EPG5: variants seen among roughly 807,000 people sequenced by gnomAD.
The protein encoded by EPG5 is ectopic P-granules 5 autophagy tethering factor, also known as ectopic P granules protein 5 homolog.
EPG5 carries 159 observed loss-of-function variants against 302.7 expected under a neutral mutation model. That is an observed-to-expected ratio of 0.53 (90% CI 0.46 to 0.60). The LOEUF (loss-of-function observed/expected upper bound fraction) is 0.60, where lower values mean the gene tolerates loss of function less well. EPG5 is among the 20% of genes least tolerant of loss of function. The pLI is 0.00. For missense variants in EPG5, 2,896 were observed against 3,092.4 expected, an observed-to-expected ratio of 0.94 and a Z score of 1.51; for synonymous variants, 1,158 against 1,136.8, an observed-to-expected ratio of 1.02 and a Z score of -0.37.
Position 45,852,471 on chromosome 18 carries a change from C to G in EPG5, c.7736G>C (p.Arg2579Pro), listed in dbSNP as rs763628666. Residue 2579 changes from arginine to proline, a missense_variant, in exon 44 of 44, where the codon CGA becomes CCA. Around this residue, in one of 5 missense-constraint regions of EPG5, gnomAD observed 620 missense variants for 704.2 expected, o/e 0.88. Coordinates refer to ENST00000282041, the MANE Select transcript of EPG5 (RefSeq NM_020964.3). The part of the protein sequence containing the change: ...YPEVHYLDHI[R>P] ...TTTCAAGAGCCTCAGTGTTAACTAT[C>G]GTATGTGGTCCAAATAATGCACTTC... is the stretch of plus-strand genomic sequence containing the variant. 1.4e-5 allele frequency: 23 copies of G among 1,613,188 alleles called. No homozygotes were observed. The highest frequency in any genetic ancestry group is 1.7e-5 in the Non-Finnish European group (20 of 1,179,636).
intron 42 of EPG5, 137 bp downstream of exon 42, chr18:45,857,716 T>G (rs1456040590): frequency 8.3e-6 from 5 of 602,686 alleles, no homozygotes; most frequent in Non-Finnish European, 8.5e-6. Flanking sequence ...TTTTTTTTCT[T>G]TTTTTTTTTC....
At chr18:45,844,735 T>C (rs946263716), downstream of EPG5, among the ~76,000 whole-genome samples, 2 of 152,150 alleles carry the variant, frequency 1.3e-5, no homozygotes, top group African/African-American at 4.8e-5. Flanking sequence ...CAGGAGCCTG[T>C]CTGAGCTGTT....
intron 38 of EPG5, among the ~76,000 whole-genome samples, chr18:45,865,990 C>T (rs1261246812): frequency 1.3e-5 from 2 of 152,286 alleles, no homozygotes; most frequent in Admixed American, 6.5e-5. Context: ...TGGCAGAATA[C>T]TCTTCCTTTT....
At chr18:45,875,600 A>T (rs1568111813) in intron 35 of EPG5, among the ~76,000 whole-genome samples, 1 of 152,162 alleles carries the variant, frequency 6.6e-6, no homozygotes, top group Non-Finnish European at 1.5e-5. Flanking sequence ...AATTACCCAT[A>T]ATAAAGCAAA....
intron 23 of EPG5, among the ~76,000 whole-genome samples, chr18:45,909,734 T>A (rs1382464568): frequency 2.0e-5 from 3 of 152,200 alleles, no homozygotes; most frequent in Non-Finnish European, 4.4e-5. Flanking sequence ...GGTGGATCCC[T>A]GAATCCCGTG....
chr18:45,826,176 G>A, the EPG5 span, among the ~76,000 whole-genome samples: 1 of 152,124 alleles, frequency 6.6e-6, no homozygotes, highest in Non-Finnish European at 1.5e-5. Flanking sequence ...GAAGAAGGGC[G>A]GGGAGTGCAT....
In EPG5 at chr18:45,957,180, A is replaced by G. The variant is rs1451613379; in HGVS notation, c.64-1842T>C. On this transcript the variant is annotated intron_variant, in intron 1 of 43. Transcript: ENST00000282041. ...ATAGCCAAAAAAGTAGGGCCTTTAT[A>G]TATTAAAAAGAAAAAAAAGATGAAT... 2.6e-5 allele frequency among the ~76,000 whole-genome samples: 4 copies of G among 152,124 alleles called. No individual in the cohort carries two copies. In the South Asian group the frequency reaches 8.3e-4, roughly 32 times the overall value.
chr18:45,900,867 C>T, intron 26 of EPG5, 129 bp downstream of exon 26: 1 of 897,710 alleles, frequency 1.1e-6, no homozygotes, highest in Non-Finnish European at 1.7e-6. Context: ...AGTGAACCGT[C>T]TGGGCCAGGT....
intron 36 of EPG5, chr18:45,867,951 G>T: frequency 1.5e-6 from 1 of 666,948 alleles, no homozygotes; most frequent in Non-Finnish European, 2.7e-6. Flanking sequence ...ATTTTAGTTT[G>T]TCTGTTCAGA....
rs553451268 is a variant in EPG5, at chr18:45,953,614, C to T, written c.1008+780G>A. Reference sequence around the variant, plus strand: ...TGAAATGGCTTATGATCACTTTGGCCTCCATAGGGTTGCATCTAATGGTCT... The same window carrying T: ...TGAAATGGCTTATGATCACTTTGGCTTCCATAGGGTTGCATCTAATGGTCT... On this transcript the variant is annotated intron_variant, in intron 2 of 43. Coordinates refer to ENST00000282041, the MANE Select transcript of EPG5 (RefSeq NM_020964.3). 3.0e-6 allele frequency: 3 copies of T among 985,290 alleles called. No individual in the cohort carries two copies. The South Asian group carries it at 1.4e-4, about 46-fold the overall frequency. 61.0% of individuals were successfully genotyped at this position (985,290 alleles called of 1,614,324 possible).
At chr18:45,811,343 G>A in the EPG5 span, among the ~76,000 whole-genome samples, 1 of 152,150 alleles carries the variant, frequency 6.6e-6, no homozygotes, top group African/African-American at 2.4e-5. Flanking sequence ...ACAAGGAGGA[G>A]GTGGTACCAT....
rs1365692737 is a variant in EPG5, at chr18:45,884,753, T to G, written c.5168A>C (p.Asn1723Thr). 1.9e-6 allele frequency: 3 copies of G among 1,597,888 alleles called. No individual in the cohort carries two copies. The South Asian group carries it at 3.4e-5, about 18-fold the overall frequency. Residue 1723 changes from asparagine (N) to threonine (T), a missense_variant, in exon 30 of 44, where the codon AAC becomes ACC. Around this residue, in one of 5 missense-constraint regions of EPG5, gnomAD observed 790 missense variants for 798.0 expected, o/e 0.99. Coordinates refer to ENST00000282041, the MANE Select transcript of EPG5 (RefSeq NM_020964.3). ...CRKVLETILK[N>T]SRLCSLLSPF... is the part of the protein sequence containing the mutation. The stretch of plus-strand genomic sequence containing the variant: ...AGACAGCAGGGAGCAGAGCCTGCTG[T>G]TCTTCAGAATGGTTTCAAGTACTTT...
At position 45,848,093 on chromosome 18, in the gene EPG5, T is replaced by C. The variant is rs894401209; in HGVS notation, c.*4374A>G. On this transcript the variant is annotated 3_prime_UTR_variant, in exon 44 of 44. Transcript: ENST00000282041. ...GGACACTGATGCCCGAGGCATGCTG[T>C]GGAAACCGGACCAAAATGAAGTCTG... The C allele has an allele frequency of 2.0e-5, 3 of 152,112 alleles. No individual in the cohort carries two copies. Among genetic ancestry groups the C allele is most frequent in the Admixed American group, 6.5e-5 (1 of 15,282 alleles). The allele number at this position is 152,112 out of a possible 1,614,324, so 9.4% of individuals were successfully genotyped here. A position where few individuals can be genotyped will look rare whatever the true frequency, so the allele number is the denominator to read the frequency against.
intron 10 of EPG5, among the ~76,000 whole-genome samples, chr18:45,938,323 A>G (rs1056304842): frequency 2.6e-5 from 4 of 152,072 alleles, no homozygotes; most frequent in African/African-American, 7.2e-5. Context: ...TTAGCCGGGC[A>G]TGATGGCAAG....
chr18:45,893,991 T>C (rs1380660217), intron 27 of EPG5, among the ~76,000 whole-genome samples: 4 of 152,156 alleles, frequency 2.6e-5, no homozygotes, highest in Non-Finnish European at 5.9e-5. Context: ...TTTGCAGCAC[T>C]GACTGTATGA....
rs1356455833 is a variant in EPG5 at position 45,913,846 on chromosome 18, AAAGGGGAGGGG to A, written c.3694-29_3694-19del. On this transcript the variant is annotated intron_variant, in intron 20 of 43. Coordinates refer to ENST00000282041, the MANE Select transcript of EPG5 (RefSeq NM_020964.3). ...AACCAGACCTATAATGACACCAGAT[AAAGGGGAGGGG>A]AAGGAGGAGCTCGCCCCACTGACGA... 2 of 1,612,066 alleles carry A rather than the reference AAAGGGGAGGGG, an allele frequency of 1.2e-6. No homozygotes were observed. The highest frequency in any genetic ancestry group is 8.5e-7 in the Non-Finnish European group (1 of 1,179,310).
chr18:45,906,463 C>T (rs2049754172), intron 24 of EPG5, among the ~76,000 whole-genome samples: 3 of 152,074 alleles, frequency 2.0e-5, no homozygotes, highest in Non-Finnish European at 2.9e-5. Context: ...TGCTATATGT[C>T]GCTGCACATA....
intron 16 of EPG5, among the ~76,000 whole-genome samples, chr18:45,918,570 A>T (rs1422712651): frequency 1.3e-5 from 2 of 152,236 alleles, no homozygotes; most frequent in Non-Finnish European, 2.9e-5. Context: ...ACGGAAAAAA[A>T]TATAAAATAT....
chr18:45,856,793 T>C (rs1438940119), intron 42 of EPG5, among the ~76,000 whole-genome samples: 1 of 134,184 alleles, frequency 7.5e-6, no homozygotes, highest in Non-Finnish European at 1.5e-5. Context: ...GAAACCATGA[T>C]GTAAGTAAGT....
Sources: gnomAD v4.1 joint callset for allele counts (sites outside exome capture counted in the v4.1 genomes callset) on GRCh38, gnomAD v4.1.1 for gene constraint, gnomAD v4.1.1 regional missense constraint, MANE v1.5 for transcripts, NCBI Gene and HGNC (gene_info 2026-07-23, HGNC 2026-07-21) for gene names.